Variants in SPMAP2L observed in about 807,000 individuals in gnomAD.
SPMAP2L encodes sperm microtubule associated protein 2-like.
chr4:56,595,271 A>T, the SPMAP2L span: 5 of 1,612,736 alleles, frequency 3.1e-6, no homozygotes, highest in Non-Finnish European at 3.4e-6. Context: ...CCCTTCAAAA[A>T]GTCTGCAAAT....
the SPMAP2L span, among the ~76,000 whole-genome samples, chr4:56,560,745 A>G: frequency 6.6e-6 from 1 of 151,540 alleles, no homozygotes; most frequent in Non-Finnish European, 1.5e-5. Flanking sequence ...TTGAAACTGA[A>G]CTACTTTTTA....
chr4:56,615,571 AC>A, the SPMAP2L span, among the ~76,000 whole-genome samples: 6 of 151,984 alleles, frequency 3.9e-5, no homozygotes, highest in African/African-American at 1.5e-4. Context: ...ACATGGCGAA[AC>A]CCCGTCTCTA....
the SPMAP2L span, among the ~76,000 whole-genome samples, chr4:56,560,063 T>C: frequency 6.6e-6 from 1 of 152,168 alleles, no homozygotes; most frequent in Non-Finnish European, 1.5e-5. Flanking sequence ...TGCTTTGGTT[T>C]ATGAGGATTA....
At chr4:56,620,446 G>A in the SPMAP2L span, among the ~76,000 whole-genome samples, 9 of 149,312 alleles carry the variant, frequency 6.0e-5, no homozygotes, top group Admixed American at 5.4e-4. Context: ...AAGTGCAACA[G>A]CGCGATCTCA....
At chr4:56,566,612 C>T in the SPMAP2L span, among the ~76,000 whole-genome samples, 1 of 151,334 alleles carries the variant, frequency 6.6e-6, no homozygotes, top group Non-Finnish European at 1.5e-5. Context: ...TAATGTGCAT[C>T]TTCAACTTAT....
At chr4:56,617,729 TG>T in the SPMAP2L span, among the ~76,000 whole-genome samples, 1 of 152,192 alleles carries the variant, frequency 6.6e-6, no homozygotes, top group Non-Finnish European at 1.5e-5. Flanking sequence ...GAGGGATTTT[TG>T]TATCCCAGGG....
At chr4:56,622,089 G>A in the SPMAP2L span, among the ~76,000 whole-genome samples, 2 of 152,174 alleles carry the variant, frequency 1.3e-5, no homozygotes, top group Non-Finnish European at 2.9e-5. Flanking sequence ...ACAGGGTAGG[G>A]AGCAGAGGTA....
chr4:56,577,014 A>T, the SPMAP2L span, among the ~76,000 whole-genome samples: 1 of 151,512 alleles, frequency 6.6e-6, no homozygotes, highest in African/African-American at 2.4e-5. Context: ...TAATACCTTA[A>T]TATAGAAAAC....
the SPMAP2L span, among the ~76,000 whole-genome samples, chr4:56,577,460 A>T: frequency 2.6e-5 from 4 of 152,300 alleles, no homozygotes; most frequent in Admixed American, 2.0e-4. Flanking sequence ...CATTGTTACT[A>T]GAGACAGAGA....
At chr4:56,619,169 C>T in the SPMAP2L span, among the ~76,000 whole-genome samples, 1 of 152,172 alleles carries the variant, frequency 6.6e-6, no homozygotes, top group African/African-American at 2.4e-5. Context: ...TGATAATATA[C>T]TGCAATAAAA....
chr4:56,576,899 G>A, the SPMAP2L span, among the ~76,000 whole-genome samples: 1 of 152,088 alleles, frequency 6.6e-6, no homozygotes, highest in Non-Finnish European at 1.5e-5. Context: ...ACTTTTTTAA[G>A]TTTATATTTC....
the SPMAP2L span, among the ~76,000 whole-genome samples, chr4:56,536,178 C>G: frequency 6.6e-6 from 1 of 152,196 alleles, no homozygotes; most frequent in African/African-American, 2.4e-5. Context: ...GGTTGGGAAC[C>G]CCTGCTCTAA....
At chr4:56,544,085 C>T in the SPMAP2L span, among the ~76,000 whole-genome samples, 61 of 151,990 alleles carry the variant, frequency 4.0e-4, no homozygotes, top group East Asian at 0.012. Flanking sequence ...GCTTCCTGGG[C>T]TCAAGTGATT....
chr4:56,556,734 G>A, the SPMAP2L span, among the ~76,000 whole-genome samples: 10 of 151,766 alleles, frequency 6.6e-5, no homozygotes, highest in East Asian at 1.9e-4. Context: ...TTAGCCAGGC[G>A]TGGTGGCACG....
chr4:56,530,620 G>A, the SPMAP2L span: 15 of 1,501,346 alleles, frequency 1.0e-5, no homozygotes, highest in Non-Finnish European at 1.2e-5. Flanking sequence ...AGCAAACTGC[G>A]CCTGGGCAAC....
chr4:56,577,358 TA>T, the SPMAP2L span, among the ~76,000 whole-genome samples: 1 of 151,722 alleles, frequency 6.6e-6, no homozygotes, highest in Non-Finnish European at 1.5e-5. Context: ...AGACTGAAAG[TA>T]AAAAAATGGA....
the SPMAP2L span, among the ~76,000 whole-genome samples, chr4:56,549,870 G>A: frequency 2.6e-5 from 4 of 152,174 alleles, no homozygotes; most frequent in African/African-American, 9.7e-5. Flanking sequence ...ACCTCATTAT[G>A]TATGTACAGA....
the SPMAP2L span, chr4:56,593,107 C>G: frequency 2.5e-6 from 4 of 1,578,114 alleles, no homozygotes; most frequent in Non-Finnish European, 2.6e-6. Flanking sequence ...TTTTGCGGAA[C>G]TTACTGGAGA....
At chr4:56,625,801 T>C in the SPMAP2L span, among the ~76,000 whole-genome samples, 1 of 152,222 alleles carries the variant, frequency 6.6e-6, no homozygotes, top group African/African-American at 2.4e-5. Flanking sequence ...AACGGACTAA[T>C]ACAGGCCATG....
Sources: gnomAD v4.1 joint callset for allele counts (sites outside exome capture counted in the v4.1 genomes callset) on GRCh38, gnomAD v4.1.1 for gene constraint, MANE v1.5 for transcripts, NCBI Gene and HGNC (gene_info 2026-07-23, HGNC 2026-07-21) for gene names.